NAV2: variants seen among roughly 807,000 people sequenced by gnomAD.
The protein encoded by NAV2 is neuron navigator 2, also known as helicase, APC down-regulated 1.
A neutral mutation model predicts 223.2 loss-of-function variants in NAV2; 54 were observed. The ratio of observed to expected loss-of-function variants is 0.24; its 90% CI spans 0.19 to 0.30. NAV2 has a LOEUF of 0.30. NAV2 is among the 10% of genes least tolerant of loss of function. NAV2 has a pLI of 1.00. For missense variants in NAV2, 2,806 were observed against 3,147.5 expected (o/e 0.89, Z 2.60); for synonymous variants, 1,279 against 1,239.3 (o/e 1.03, Z -0.67).
At position 19,689,071 on chromosome 11, in the gene NAV2, T is replaced by C. The variant is rs116810869; in HGVS notation, c.76-143413T>C. Among the ~76,000 whole-genome samples the C allele has an allele frequency of 2.9e-3, 449 of 152,266 alleles. 3 individuals are homozygous for C. The highest frequency in any genetic ancestry group is 0.01 in the African/African-American group (430 of 41,564). Reference sequence around the variant, plus strand: ...TCTCCACAAAGAGCTCCTGGAGGCATTGGGAATCTAAAAGGAAGGAGGATC... The same window carrying C: ...TCTCCACAAAGAGCTCCTGGAGGCACTGGGAATCTAAAAGGAAGGAGGATC... On this transcript the variant is annotated intron_variant, in intron 1 of 37. Transcript: ENST00000360655.
intron 1 of NAV2, among the ~76,000 whole-genome samples, chr11:19,395,987 G>A (rs555832851): frequency 6.6e-6 from 1 of 152,288 alleles, no homozygotes; most frequent in East Asian, 1.9e-4. Context: ...TTGGCCTCAG[G>A]CAGGACTTGG....
At chr11:19,757,005 A>ACAGCTGGG (rs1218011595) in intron 1 of NAV2, among the ~76,000 whole-genome samples, 2 of 101,616 alleles carry the variant, frequency 2.0e-5, no homozygotes, top group Admixed American at 1.3e-4. Flanking sequence ...GCTGGGCTGG[A>ACAGCTGGG]CTGAGCTGGG....
chr11:19,466,971 T>TTC (rs140127053), intron 1 of NAV2, among the ~76,000 whole-genome samples: 9,490 of 131,554 alleles, frequency 0.072, 321 homozygotes, highest in African/African-American at 0.083. Context: ...TTGTTCTCTC[T>TTC]TCTCTCTCTC....
chr11:19,876,957 A>T (rs2062873511), intron 4 of NAV2, among the ~76,000 whole-genome samples: 3 of 129,098 alleles, frequency 2.3e-5, no homozygotes. Flanking sequence ...TTTATTTATC[A>T]ATAAAAAATA....
intron 1 of NAV2, among the ~76,000 whole-genome samples, chr11:19,497,700 C>A (rs1224839686): frequency 6.6e-6 from 1 of 151,868 alleles, no homozygotes; most frequent in Non-Finnish European, 1.5e-5. Context: ...CAGGTGAGCC[C>A]GCCACCTGAA....
At chr11:19,496,013 C>A (rs2042783170) in intron 1 of NAV2, among the ~76,000 whole-genome samples, 1 of 152,100 alleles carries the variant, frequency 6.6e-6, no homozygotes. Flanking sequence ...ACAGTGGATA[C>A]AGCTGAGACC....
intron 4 of NAV2, among the ~76,000 whole-genome samples, chr11:19,871,335 G>A (rs1187664954): frequency 6.6e-6 from 1 of 152,122 alleles, no homozygotes; most frequent in African/African-American, 2.4e-5. Flanking sequence ...ATTCCTTCCA[G>A]TGTAAATGGC....
intron 1 of NAV2, among the ~76,000 whole-genome samples, chr11:19,586,766 G>T (rs914438461): frequency 6.6e-6 from 1 of 152,320 alleles, no homozygotes; most frequent in African/African-American, 2.4e-5. Context: ...GTACGCAGCC[G>T]TGTAAGGGTC....
At chr11:19,882,326 C>G (rs984920304) in intron 5 of NAV2, among the ~76,000 whole-genome samples, 3 of 152,054 alleles carry the variant, frequency 2.0e-5, no homozygotes, top group Admixed American at 2.0e-4. Context: ...GATTAACTCT[C>G]GGGAATAATG....
chr11:20,019,826 A>G (rs2054338528), intron 11 of NAV2, among the ~76,000 whole-genome samples: 1 of 151,992 alleles, frequency 6.6e-6, no homozygotes, highest in African/African-American at 2.4e-5. Context: ...CAGAGAGTTG[A>G]CCATTGGCTT....
In NAV2 at chr11:19,842,899, C is replaced by T. The variant is rs1046810067; in HGVS notation, c.414C>T (p.Gly138=). The change falls in exon 3 of 38, where the codon GGC becomes GGT. Residue 138 remains glycine (G), a synonymous_variant. Transcript: ENST00000349880. The stretch of plus-strand genomic sequence containing the variant: ...ATGAAAAGATTGAAGACATCAATGG[C>T]TGTCCGAAGAACAGATCCCAAATGG... ...VANEKIEDIN[G]CPKNRSQMIE... is the part of the protein sequence containing the mutation. The T allele has an allele frequency of 2.5e-6, 4 of 1,613,824 alleles. No individual in the cohort carries two copies. In the African/African-American group the frequency reaches 5.3e-5, roughly 22 times the overall value.
At chr11:19,445,574 TG>T (rs1211242261) in intron 1 of NAV2, among the ~76,000 whole-genome samples, 1 of 152,190 alleles carries the variant, frequency 6.6e-6, no homozygotes, top group Non-Finnish European at 1.5e-5. Flanking sequence ...GAATTTTAAC[TG>T]GGTAGGGACT....
chr11:19,953,849 A>ACG (rs140047278), intron 10 of NAV2, among the ~76,000 whole-genome samples: 103 of 126,464 alleles, frequency 8.1e-4, no homozygotes, highest in Non-Finnish European at 7.5e-4. Flanking sequence ...AGAAATGTGC[A>ACG]CGCGCGCGCG....
At chr11:19,961,495 G>C (rs957598871) in intron 10 of NAV2, among the ~76,000 whole-genome samples, 9 of 152,196 alleles carry the variant, frequency 5.9e-5, no homozygotes, top group African/African-American at 2.2e-4. Context: ...CCTGTGCTCA[G>C]ATCAAGATAA....
At chr11:19,884,759 CATTT>C (rs1479596559) in intron 5 of NAV2, among the ~76,000 whole-genome samples, 5 of 149,100 alleles carry the variant, frequency 3.4e-5, no homozygotes, top group Non-Finnish European at 5.9e-5. Flanking sequence ...ACCTGCATCT[CATTT>C]ATGTGTCTTG....
chr11:19,373,795 T>C (rs752844748), intron 1 of NAV2, among the ~76,000 whole-genome samples: 31 of 152,210 alleles, frequency 2.0e-4, no homozygotes, highest in Admixed American at 1.6e-3. Flanking sequence ...TGTGGCTGCA[T>C]GTGGCCTGGG....
chr11:19,858,173 T>C (rs1382525668), intron 3 of NAV2, among the ~76,000 whole-genome samples: 3 of 152,240 alleles, frequency 2.0e-5, no homozygotes, highest in Non-Finnish European at 4.4e-5. Context: ...GTTCATTTTA[T>C]GACTGAAAGT....
intron 1 of NAV2, among the ~76,000 whole-genome samples, chr11:19,588,876 G>A (rs1305739091): frequency 6.6e-6 from 1 of 152,208 alleles, no homozygotes; most frequent in Admixed American, 6.5e-5. Context: ...AAAGAAGCCT[G>A]CTGTCCTTGC....
chr11:19,889,865 G>A (rs1237123306), intron 5 of NAV2, among the ~76,000 whole-genome samples: 1 of 152,172 alleles, frequency 6.6e-6, no homozygotes, highest in Admixed American at 6.5e-5. Flanking sequence ...AGCCCTGCTC[G>A]CCGAAGCCTA....
Sources: gnomAD v4.1 joint callset for allele counts (sites outside exome capture counted in the v4.1 genomes callset) on GRCh38, gnomAD v4.1.1 for gene constraint, MANE v1.5 for transcripts, NCBI Gene and HGNC (gene_info 2026-07-23, HGNC 2026-07-21) for gene names.